Variants in TMPRSS15 observed in about 807,000 individuals in gnomAD.
TMPRSS15 encodes the protein transmembrane serine protease 15.
Under a neutral mutation model 125.3 loss-of-function variants are expected in TMPRSS15, and 128 were observed. That is an observed-to-expected ratio of 1.02 (90% CI 0.89 to 1.18). The LOEUF is 1.18. Ranked by LOEUF, TMPRSS15 falls within the 50% of genes most tolerant of loss-of-function variation. TMPRSS15 has a pLI of 0.00. For missense variants in TMPRSS15, 1,283 were observed against 1,212.7 expected, an observed-to-expected ratio of 1.06 and a Z score of -0.86; for synonymous variants, 446 against 423.2, an observed-to-expected ratio of 1.05 and a Z score of -0.66.
chr21:18,451,035 T>C (rs1412053159), intron 1 of TMPRSS15, among the ~76,000 whole-genome samples: 1 of 152,180 alleles, frequency 6.6e-6, no homozygotes, highest in East Asian at 1.9e-4. Context: ...AGCATTACAA[T>C]GCAATGTTCT....
intron 1 of TMPRSS15, among the ~76,000 whole-genome samples, chr21:18,456,174 C>T (rs1978436909): frequency 6.6e-6 from 1 of 152,002 alleles, no homozygotes; most frequent in South Asian, 2.1e-4. Flanking sequence ...TTAAGGTGCC[C>T]ACAAGGCAGG....
chr21:18,365,183 G>A lies in TMPRSS15; in HGVS notation c.730C>T (p.Pro244Ser). The stretch of plus-strand genomic sequence containing the variant: ...ACAACACTTGTTTCAGAAGGTTTTG[G>A]ATAATGAGTAGCCTGGAAAGACCCA... The part of the protein sequence containing the change: ...SSGSFQATHY[P>S]KPSETSVVCQ... The change falls in exon 7 of 25, where the codon CCA (proline) becomes TCA (serine). Residue 244 changes from proline (P) to serine (S), a missense_variant. Physicochemically the swap from Pro to Ser is moderately conservative, Grantham distance 74. Coordinates refer to ENST00000284885, the MANE Select transcript of TMPRSS15 (RefSeq NM_002772.3). The A allele has an allele frequency of 6.2e-7, 1 of 1,614,038 alleles. No individual in the cohort carries two copies. Among genetic ancestry groups the A allele is most frequent in the South Asian group, 1.1e-5 (1 of 91,074 alleles).
chr21:18,317,819 T>TCCC (rs2075185523), intron 16 of TMPRSS15, among the ~76,000 whole-genome samples: 18 of 54,818 alleles, frequency 3.3e-4, no homozygotes, highest in South Asian at 7.0e-4. Flanking sequence ...CATCCCATTC[T>TCCC]ATCCTATCCC....
At chr21:18,426,233 G>A (rs2076202388) in intron 1 of TMPRSS15, among the ~76,000 whole-genome samples, 1 of 152,120 alleles carries the variant, frequency 6.6e-6, no homozygotes, top group Non-Finnish European at 1.5e-5. Flanking sequence ...GTTCTATGAA[G>A]TAGGAATTAT....
At chr21:18,391,581 C>T (rs971708061) in intron 3 of TMPRSS15, among the ~76,000 whole-genome samples, 11 of 152,316 alleles carry the variant, frequency 7.2e-5, no homozygotes, top group South Asian at 2.1e-4. Context: ...GCATACAGCT[C>T]CCCTACCCCC....
chr21:18,344,089 C>T, intron 10 of TMPRSS15, 29 bp from the exon 11 acceptor site: 3 of 1,562,486 alleles, frequency 1.9e-6, no homozygotes, highest in Non-Finnish European at 2.6e-6. Context: ...AAATTTATTT[C>T]ACTTAAATAT....
chr21:18,288,286 T>C (rs372096595), intron 21 of TMPRSS15, among the ~76,000 whole-genome samples: 3 of 152,066 alleles, frequency 2.0e-5, no homozygotes, highest in African/African-American at 4.8e-5. Flanking sequence ...AAATAATGTA[T>C]AGTGGACATA....
chr21:18,342,771 C>A (rs1199559973), intron 12 of TMPRSS15, among the ~76,000 whole-genome samples: 1 of 152,156 alleles, frequency 6.6e-6, no homozygotes, highest in Non-Finnish European at 1.5e-5. Flanking sequence ...GGTTGAGAGT[C>A]ATTAATTATT....
At chr21:18,310,933 C>CTTT (rs71329779) in intron 18 of TMPRSS15, among the ~76,000 whole-genome samples, 57 of 136,868 alleles carry the variant, frequency 4.2e-4, no homozygotes, top group African/African-American at 1.5e-3. Context: ...CCCACTGATT[C>CTTT]TTTTTTTTTT....
intron 21 of TMPRSS15, among the ~76,000 whole-genome samples, chr21:18,291,556 ACTTG>A (rs909602261): frequency 2.5e-4 from 38 of 152,332 alleles, no homozygotes; most frequent in African/African-American, 9.1e-4. Flanking sequence ...GAGTTTAATA[ACTTG>A]CTTGATCTGA....
chr21:18,330,945 C>T (rs8133512), intron 14 of TMPRSS15, among the ~76,000 whole-genome samples: 69,355 of 150,990 alleles, frequency 0.46, 15,983 homozygotes, highest in African/African-American at 0.49. Context: ...TGGTGGCGGG[C>T]GCCTGTAGTC....
intron 1 of TMPRSS15, among the ~76,000 whole-genome samples, chr21:18,436,722 C>A (rs960965019): frequency 6.7e-6 from 1 of 149,570 alleles, no homozygotes; most frequent in East Asian, 2.0e-4. Flanking sequence ...ACCTAGGAAT[C>A]CACCTTACAA....
At chr21:18,304,383 G>A (rs980619521) in intron 18 of TMPRSS15, among the ~76,000 whole-genome samples, 21 of 152,196 alleles carry the variant, frequency 1.4e-4, no homozygotes, top group African/African-American at 4.6e-4. Flanking sequence ...ATGAAGGATC[G>A]TGCGTGTCTT....
intron 7 of TMPRSS15, 141 bp downstream of exon 7, chr21:18,364,999 G>T (rs2075713019): frequency 2.9e-6 from 2 of 697,448 alleles, no homozygotes; most frequent in Admixed American, 2.5e-5. Context: ...ATAGTTTTTT[G>T]TACAGTTTTT....
In TMPRSS15 at chr21:18,352,923, T is replaced by C. The variant is rs756926300; in HGVS notation, c.1151A>G (p.His384Arg). ...TATACCTGAAGCATTGCCAAAAGTG[T>C]GGTCAAAATTGGGTCCAGTAAAAGG... The part of the protein sequence containing the change: ...FSPFTGPNFD[H>R]TFGNASGFYI... The change falls in exon 10 of 25, where the codon CAC becomes CGC. Residue 384 changes from histidine (H) to arginine (R), a missense_variant. By Grantham distance (29) the His-to-Arg change is conservative. Coordinates refer to ENST00000284885, the MANE Select transcript of TMPRSS15 (RefSeq NM_002772.3). The C allele has an allele frequency of 1.9e-6, 3 of 1,612,370 alleles. No homozygotes were observed. Among genetic ancestry groups the C allele is most frequent in the Non-Finnish European group, 2.5e-6 (3 of 1,178,806 alleles).
At chr21:18,306,425 C>T (rs529893680) in intron 18 of TMPRSS15, among the ~76,000 whole-genome samples, 4 of 152,254 alleles carry the variant, frequency 2.6e-5, no homozygotes, top group South Asian at 2.1e-4. Context: ...TCTCTTCCCC[C>T]AGTATTTTCA....
intron 21 of TMPRSS15, among the ~76,000 whole-genome samples, chr21:18,289,182 T>C (rs1199408841): frequency 6.6e-6 from 1 of 152,178 alleles, no homozygotes; most frequent in Non-Finnish European, 1.5e-5. Context: ...TTCAAAGTTT[T>C]ATTAGTTATA....
intron 1 of TMPRSS15, among the ~76,000 whole-genome samples, chr21:18,458,812 T>TA (rs1176471884): frequency 6.6e-6 from 1 of 152,216 alleles, no homozygotes; most frequent in Non-Finnish European, 1.5e-5. Context: ...CAGACTGCTA[T>TA]ACAGCTGCCA....
chr21:18,314,484 G>T (rs2075138114), intron 17 of TMPRSS15, among the ~76,000 whole-genome samples: 1 of 152,082 alleles, frequency 6.6e-6, no homozygotes, highest in Non-Finnish European at 1.5e-5. Flanking sequence ...CACCATGTTG[G>T]TCAGGCTGGT....
Sources: allele counts gnomAD v4.1 joint callset (sites outside exome capture counted in the v4.1 genomes callset), GRCh38; gene constraint gnomAD v4.1.1; transcripts MANE v1.5; gene names NCBI Gene and HGNC (gene_info 2026-07-23, HGNC 2026-07-21).